UPP2: variants seen among roughly 807,000 people sequenced by gnomAD.
UPP2 encodes the protein UPase 2.
UPP2 carries 23 observed loss-of-function variants against 26.7 expected under a neutral mutation model. That is an observed-to-expected ratio of 0.86 (90% CI 0.62 to 1.22). The LOEUF (loss-of-function observed/expected upper bound fraction) is 1.22. Among genes scored for constraint, UPP2 ranks in the 50% most tolerant of loss-of-function variants. The pLI is 0.00. For missense variants in UPP2, 387 were observed against 396.7 expected (o/e 0.98, Z 0.21); for synonymous variants, 127 against 141.3 (o/e 0.90, Z 0.72).
intron 3 of UPP2, among the ~76,000 whole-genome samples, chr2:158,096,511 A>C (rs1218861953): frequency 1.3e-5 from 2 of 152,188 alleles, no homozygotes; most frequent in Non-Finnish European, 2.9e-5. Flanking sequence ...AGGCAGGAGA[A>C]TTGCTTGAGC....
At chr2:158,106,026 G>C in intron 1 of UPP2, 73 bp from the exon 2 acceptor site, 1 of 1,164,228 alleles carries the variant, frequency 8.6e-7, no homozygotes, top group Non-Finnish European at 1.2e-6. Context: ...GAAGGTTTAT[G>C]TTCAGACTTT....
chr2:158,131,400 G>A (rs957237649), intron 6 of UPP2, among the ~76,000 whole-genome samples: 5 of 152,096 alleles, frequency 3.3e-5, no homozygotes, highest in Non-Finnish European at 7.4e-5. Context: ...GGGGTGCGTG[G>A]ATTCCTAAGG....
chr2:158,062,241 T>G lies in UPP2; in HGVS notation c.148-39799T>G, dbSNP rs146249326. 6.6e-5 allele frequency among the ~76,000 whole-genome samples: 10 copies of G among 152,378 alleles called. No homozygotes were observed. The East Asian group carries it at 1.9e-3, about 29-fold the overall frequency. ...GTAGTCTTGAGCCATACATAGTTAT[T>G]GAGCACTTGAAATGTGGCTAATGCA... is the stretch of plus-strand genomic sequence containing the variant. On this transcript the variant is annotated intron_variant, in intron 3 of 9. Coordinates refer to the UPP2 transcript ENST00000605860.
intron 3 of UPP2, among the ~76,000 whole-genome samples, chr2:158,017,576 G>C (rs4664918): frequency 0.52 from 79,595 of 151,992 alleles, 22,662 homozygotes; most frequent in Admixed American, 0.7. Flanking sequence ...TTAAAGCTAG[G>C]TATTATAGAA....
At chr2:158,013,934 G>A (rs928699532) in intron 2 of UPP2, among the ~76,000 whole-genome samples, 1 of 152,182 alleles carries the variant, frequency 6.6e-6, no homozygotes, top group Non-Finnish European at 1.5e-5. Context: ...GCCACTGTCT[G>A]CTCCTAACAG....
intron 6 of UPP2, chr2:158,127,873 G>A: frequency 2.5e-6 from 1 of 403,238 alleles, no homozygotes. Flanking sequence ...TCAGCATAAT[G>A]TAAACCTGTT....
Position 158,120,934 on chromosome 2 carries a change from C to G in UPP2, c.455-475C>G, listed in dbSNP as rs559150820. 6.5e-4 allele frequency among the ~76,000 whole-genome samples: 99 copies of G among 151,914 alleles called. 1 individual carries two copies. Among genetic ancestry groups the G allele is most frequent in the Admixed American group, 1.2e-3 (18 of 15,262 alleles). ...GACTTTGTAGCCATGGAAGGTCAGC[C>G]AAGAGCCCTGATTTACATGAAGTCG... On this transcript the variant is annotated intron_variant, in intron 4 of 6. Coordinates refer to ENST00000005756, the MANE Select transcript of UPP2 (RefSeq NM_173355.4).
At chr2:158,090,480 G>C (rs1682893597) in intron 3 of UPP2, among the ~76,000 whole-genome samples, 1 of 151,960 alleles carries the variant, frequency 6.6e-6, no homozygotes, top group African/African-American at 2.4e-5. Context: ...CAGCCTGGGC[G>C]GCAGAGTGAG....
intron 5 of UPP2, 110 bp downstream of exon 5, chr2:158,121,728 G>C: frequency 2.0e-6 from 2 of 1,007,342 alleles, no homozygotes; most frequent in Non-Finnish European, 2.9e-6. Context: ...TAATATTTGT[G>C]GGTTAAAAAG....
At chr2:158,057,785 A>T (rs1682271832) in intron 3 of UPP2, among the ~76,000 whole-genome samples, 1 of 150,140 alleles carries the variant, frequency 6.7e-6, no homozygotes, top group East Asian at 1.9e-4. Context: ...ATGCTGTAGT[A>T]GTTTTCTATG....
At chr2:158,110,279 T>C (rs2105217884) in intron 2 of UPP2, among the ~76,000 whole-genome samples, 1 of 152,298 alleles carries the variant, frequency 6.6e-6, no homozygotes, top group African/African-American at 2.4e-5. Flanking sequence ...CTTGTGATAG[T>C]TTGCTGAGAA....
chr2:158,033,708 G>T (rs1402834338), intron 3 of UPP2, among the ~76,000 whole-genome samples: 2 of 152,228 alleles, frequency 1.3e-5, no homozygotes, highest in African/African-American at 4.8e-5. Context: ...GGTTCCACAA[G>T]CCCACTTTTC....
intron 3 of UPP2, among the ~76,000 whole-genome samples, chr2:158,025,215 A>AC (rs1683815773): frequency 6.6e-6 from 1 of 151,920 alleles, no homozygotes; most frequent in Non-Finnish European, 1.5e-5. Context: ...AAAAAAAAAA[A>AC]AAAAGATCAG....
chr2:158,131,510 C>A (rs1683820096), intron 6 of UPP2, among the ~76,000 whole-genome samples: 1 of 152,100 alleles, frequency 6.6e-6, no homozygotes, highest in African/African-American at 2.4e-5. Flanking sequence ...AAAGAGGTTC[C>A]AATTAGGACT....
At chr2:158,114,981 C>T in intron 2 of UPP2, 120 bp from the exon 3 acceptor site, 1 of 949,300 alleles carries the variant, frequency 1.1e-6, no homozygotes, top group East Asian at 2.8e-5. Context: ...TAAACCATGA[C>T]ATCTACACGT....
chr2:157,998,116 C>A (rs1167737092), intron 2 of UPP2, among the ~76,000 whole-genome samples: 1 of 152,026 alleles, frequency 6.6e-6, no homozygotes, highest in African/African-American at 2.4e-5. Flanking sequence ...GCTCATGCAA[C>A]TGGAGGTGGT....
intron 4 of UPP2, among the ~76,000 whole-genome samples, chr2:158,120,819 G>C (rs192588105): frequency 1.1e-3 from 170 of 151,994 alleles, no homozygotes; most frequent in African/African-American, 3.6e-3. Flanking sequence ...TGAAAAGGTG[G>C]GGGGAGGAGG....
chr2:158,123,960 G>A, intron 6 of UPP2, 65 bp downstream of exon 6: 1 of 1,553,554 alleles, frequency 6.4e-7, no homozygotes, highest in South Asian at 1.2e-5. Flanking sequence ...TTACACCTTA[G>A]GAGAAGAAAA....
intron 3 of UPP2, among the ~76,000 whole-genome samples, chr2:158,037,453 T>A (rs1168595956): frequency 6.6e-6 from 1 of 152,160 alleles, no homozygotes; most frequent in Non-Finnish European, 1.5e-5. Context: ...TAGCACAAAC[T>A]GGATAGCTTA....
Sources: allele counts gnomAD v4.1 joint callset (sites outside exome capture counted in the v4.1 genomes callset), GRCh38; gene constraint gnomAD v4.1.1; transcripts MANE v1.5; gene names NCBI Gene and HGNC (gene_info 2026-07-23, HGNC 2026-07-21).